Variants in C13orf46 observed in about 807,000 individuals in gnomAD.
C13orf46 encodes uncharacterized protein C13orf46.
chr13:113,942,171 C>T, the C13orf46 span, among the ~76,000 whole-genome samples: 22,222 of 152,290 alleles, frequency 0.15, 1,961 homozygotes, highest in Non-Finnish European at 0.19. Flanking sequence ...CACTGACCTA[C>T]ACTTTTCACA....
chr13:113,933,021 T>C, the C13orf46 span, among the ~76,000 whole-genome samples: 1 of 152,144 alleles, frequency 6.6e-6, no homozygotes, highest in South Asian at 2.1e-4. Flanking sequence ...CATGCCACCA[T>C]GCCCAGAAAA....
chr13:113,973,045 C>T (rs530031436), intron 1 of C13orf46, among the ~76,000 whole-genome samples: 8 of 152,332 alleles, frequency 5.3e-5, no homozygotes, highest in South Asian at 2.1e-4. Flanking sequence ...AGGCCCGGCC[C>T]GGTCCCTGCT....
intron 5 of C13orf46, among the ~76,000 whole-genome samples, 158 bp downstream of exon 5, chr13:113,967,183 T>G (rs902857662): frequency 1.3e-5 from 2 of 152,190 alleles, no homozygotes; most frequent in African/African-American, 4.8e-5. Flanking sequence ...CAGGGAGCTC[T>G]CCTGGAGCTG....
the C13orf46 span, among the ~76,000 whole-genome samples, chr13:113,939,569 T>C: frequency 6.6e-6 from 1 of 152,212 alleles, no homozygotes; most frequent in Non-Finnish European, 1.5e-5. Context: ...CCACTCAGCC[T>C]GGTTCACACC....
chr13:113,926,523 C>T, the C13orf46 span: 3 of 152,220 alleles, frequency 2.0e-5, no homozygotes, highest in African/African-American at 4.8e-5. Flanking sequence ...GTTCGCACAC[C>T]GCGTGATTCC....
At chr13:113,948,610 G>C in the C13orf46 span, among the ~76,000 whole-genome samples, 6 of 152,134 alleles carry the variant, frequency 3.9e-5, no homozygotes, top group Non-Finnish European at 5.9e-5. Flanking sequence ...ACTTAGAAAA[G>C]AGCTCCGCCC....
At chr13:113,969,145 T>C (rs2052678410) in intron 2 of C13orf46, among the ~76,000 whole-genome samples, 1 of 152,236 alleles carries the variant, frequency 6.6e-6, no homozygotes, top group Non-Finnish European at 1.5e-5. Flanking sequence ...TGCTGGCCAG[T>C]AGGCTGGAGG....
chr13:113,959,154 C>T (rs1432872886), intron 6 of C13orf46, among the ~76,000 whole-genome samples: 1 of 152,100 alleles, frequency 6.6e-6, no homozygotes, highest in Non-Finnish European at 1.5e-5. Context: ...CACTTGTGGT[C>T]CCAGCTACTT....
At chr13:113,972,818 C>T (rs2052722975) in intron 1 of C13orf46, among the ~76,000 whole-genome samples, 1 of 152,210 alleles carries the variant, frequency 6.6e-6, no homozygotes, top group Non-Finnish European at 1.5e-5. Flanking sequence ...CTATGATCCT[C>T]CCTTCAGGCA....
At chr13:113,942,088 G>A in the C13orf46 span, among the ~76,000 whole-genome samples, 99 of 152,362 alleles carry the variant, frequency 6.5e-4, no homozygotes, top group Non-Finnish European at 1.2e-3. Flanking sequence ...GCCAAAGGCC[G>A]ATCATGGTGG....
At chr13:113,969,564 G>A (rs1309062407) in intron 2 of C13orf46, among the ~76,000 whole-genome samples, 1 of 152,234 alleles carries the variant, frequency 6.6e-6, no homozygotes, top group Non-Finnish European at 1.5e-5. Context: ...TAAATAAGGG[G>A]GACTTGGCCC....
At chr13:113,960,210 C>T (rs997568855) in intron 6 of C13orf46, among the ~76,000 whole-genome samples, 43 of 151,934 alleles carry the variant, frequency 2.8e-4, no homozygotes, top group African/African-American at 7.5e-4. Flanking sequence ...GAGCTGAGAT[C>T]GTGCCACTGC....
chr13:113,964,161 A>G (rs1205280489), intron 6 of C13orf46, among the ~76,000 whole-genome samples: 1 of 152,212 alleles, frequency 6.6e-6, no homozygotes, highest in Non-Finnish European at 1.5e-5. Context: ...TGACTGTTTT[A>G]TAAAGCCGAT....
At chr13:113,926,582 G>A in the C13orf46 span, 1 of 152,226 alleles carries the variant, frequency 6.6e-6, no homozygotes, top group Non-Finnish European at 1.5e-5. Flanking sequence ...ACAGAAAGCA[G>A]ATCTGTGGTT....
At chr13:113,940,063 G>A in the C13orf46 span, among the ~76,000 whole-genome samples, 2 of 152,230 alleles carry the variant, frequency 1.3e-5, no homozygotes, top group Admixed American at 6.5e-5. Context: ...CACCTCAGAG[G>A]CCCCAAGAGG....
In C13orf46 at chr13:113,953,778, C is replaced by A. The variant is rs1026065454; in HGVS notation, c.*2995G>T. The A allele has an allele frequency of 0.018, 2,797 of 152,346 alleles. 91 individuals carry two copies. Among genetic ancestry groups the A allele is most frequent in the African/African-American group, 0.059 (2,461 of 41,554 alleles). The allele number at this position is 152,346 out of a possible 1,614,324, so 9.4% of individuals were successfully genotyped here. ...ACCCGGCAGAGCTGCCGCCTCCTGC[C>A]CCACCAAGGGGACAAACCAACCGTA... is the stretch of plus-strand genomic sequence containing the variant. On this transcript the variant is annotated 3_prime_UTR_variant, in exon 7 of 7. Transcript: ENST00000636427.
In C13orf46 at chr13:113,955,778, AGCAGCCGGCGGAGACGAGG is replaced by A. The variant is rs2052524425; in HGVS notation, c.*976_*994del. 1.4e-3 allele frequency: 182 copies of A among 131,866 alleles called. No individual in the cohort carries two copies. Among genetic ancestry groups the A allele is most frequent in the Non-Finnish European group, 2.3e-3 (136 of 58,800 alleles). 8.2% of individuals were successfully genotyped at this position (131,866 alleles called of 1,614,324 possible). On this transcript the variant is annotated 3_prime_UTR_variant, in exon 7 of 7. Transcript: ENST00000636427. ...GGAGGAGCATCCGGCGGAGACGAGG[AGCAGCCGGCGGAGACGAGG>A]AGCAGCCGGCGGAGACGAGGAGCAG...
At chr13:113,936,929 C>T in the C13orf46 span, among the ~76,000 whole-genome samples, 2 of 152,126 alleles carry the variant, frequency 1.3e-5, no homozygotes, top group Non-Finnish European at 2.9e-5. Flanking sequence ...TTTTGAGCTC[C>T]AGAATAAAGG....
chr13:113,949,926 GTGCTCC>G (rs1326060547), downstream of C13orf46, among the ~76,000 whole-genome samples: 13 of 150,914 alleles, frequency 8.6e-5, no homozygotes, highest in Admixed American at 8.6e-4. Context: ...AAAGACCTCA[GTGCTCC>G]CATCTGGAGA....
Sources: allele counts gnomAD v4.1 joint callset (sites outside exome capture counted in the v4.1 genomes callset), GRCh38; gene constraint gnomAD v4.1.1; transcripts MANE v1.5; gene names NCBI Gene and HGNC (gene_info 2026-07-23, HGNC 2026-07-21).